FSD1: variants seen among roughly 807,000 people sequenced by gnomAD.
FSD1 encodes the protein fibronectin type III and SPRY domain-containing protein 1.
A neutral mutation model predicts 58.2 loss-of-function variants in FSD1; 23 were observed. The observed-to-expected ratio is 0.40, with a 90% CI of 0.28 to 0.56. FSD1 has a LOEUF of 0.56. Ranked by LOEUF, FSD1 falls within the 20% of genes least tolerant of loss-of-function variation. FSD1 has a pLI of 0.54. For missense variants in FSD1, 563 were observed against 670.8 expected, an observed-to-expected ratio of 0.84 and a Z score of 1.78; for synonymous variants, 265 against 263.4, an observed-to-expected ratio of 1.01 and a Z score of -0.06.
At chr19:4,317,309 C>T (rs1971765832) in intron 8 of FSD1, 29 bp downstream of exon 8, 1 of 1,293,024 alleles carries the variant, frequency 7.7e-7, no homozygotes, top group African/African-American at 1.5e-5. Flanking sequence ...TGTCCTACCC[C>T]TAACTCCATG....
At chr19:4,314,764 C>T (rs987543972) in intron 7 of FSD1, among the ~76,000 whole-genome samples, 25 of 152,348 alleles carry the variant, frequency 1.6e-4, no homozygotes, top group African/African-American at 5.5e-4. Flanking sequence ...GGATGACAGG[C>T]GTGAGCCACC....
chr19:4,315,473 T>A (rs1971744428), intron 7 of FSD1, among the ~76,000 whole-genome samples: 1 of 151,574 alleles, frequency 6.6e-6, no homozygotes, highest in Non-Finnish European at 1.5e-5. Context: ...CACGCCTGGC[T>A]AATTTTTTGT....
At chr19:4,310,694 G>T in intron 6 of FSD1, 98 bp downstream of exon 6, 1 of 1,389,820 alleles carries the variant, frequency 7.2e-7, no homozygotes, top group Non-Finnish European at 9.8e-7. Context: ...GGACGACCCG[G>T]TGTCTGAATT....
chr19:4,310,169 G>T (rs762723304), intron 4 of FSD1, 104 bp from the exon 5 acceptor site: 6 of 1,294,528 alleles, frequency 4.6e-6, no homozygotes, highest in Non-Finnish European at 4.5e-6. Context: ...AGGTTGCAGT[G>T]AGCCGAGATC....
At chr19:4,310,627 C>G (rs1971678935) in intron 6 of FSD1, 31 bp downstream of exon 6, 2 of 1,601,264 alleles carry the variant, frequency 1.2e-6, no homozygotes, top group African/African-American at 1.3e-5. Flanking sequence ...AGGGCCAGGA[C>G]TTCCGGGGAA....
intron 7 of FSD1, among the ~76,000 whole-genome samples, chr19:4,314,632 G>A (rs750587333): frequency 4.0e-5 from 6 of 151,890 alleles, no homozygotes; most frequent in African/African-American, 1.5e-4. Context: ...GATTACAGGC[G>A]CCCACCACCA....
intron 8 of FSD1, 46 bp from the exon 9 acceptor site, chr19:4,318,300 T>C (rs772604012): frequency 6.2e-7 from 1 of 1,613,026 alleles, no homozygotes; most frequent in Admixed American, 1.7e-5. Flanking sequence ...TCTGTGTCTC[T>C]CCGGGTTTCC....
chr19:4,323,696 C>A lies in FSD1; in HGVS notation c.*53C>A. On this transcript the variant is annotated 3_prime_UTR_variant, in exon 13 of 13. Coordinates refer to ENST00000221856, the MANE Select transcript of FSD1 (RefSeq NM_024333.3). This position sits in a 1 kb window ranked among gnomAD's most constrained non-coding sequence, Gnocchi z 7.7. ...GTTTTTGGGGGAGTCGCCGCCAAGC[C>A]CAGGCTGCTGGAGCCAGGCACCCTC... 1 of 1,299,910 alleles carries A rather than the reference C, an allele frequency of 7.7e-7. No homozygotes were observed. The highest frequency in any genetic ancestry group is 1.1e-6 in the Non-Finnish European group (1 of 922,240). 80.5% of individuals were successfully genotyped at this position (1,299,910 alleles called of 1,614,324 possible). A position where few individuals can be genotyped will look rare whatever the true frequency, so the allele number is the denominator to read the frequency against.
In FSD1 at chr19:4,318,907, G is replaced by A. The variant is rs749364630; in HGVS notation, c.995G>A (p.Arg332His). Residue 332 changes from arginine to histidine, a missense_variant, in exon 10 of 13, where the codon CGT becomes CAT. Coordinates refer to ENST00000221856, the MANE Select transcript of FSD1 (RefSeq NM_024333.3). Reference protein sequence around the residue: ...TPSPKRMPSGRGGRDRFTAES... With the variant: ...TPSPKRMPSGHGGRDRFTAES... ...TCTCCCAAGAGGATGCCCTCAGGTC[G>A]TGGGGGACGGGACCGCTTCACCGCT... is the stretch of plus-strand genomic sequence containing the variant. The A allele has an allele frequency of 5.6e-6, 9 of 1,613,608 alleles. No individual in the cohort carries two copies. Among genetic ancestry groups the A allele is most frequent in the South Asian group, 4.4e-5 (4 of 91,094 alleles).
intron 7 of FSD1, among the ~76,000 whole-genome samples, chr19:4,314,983 G>C (rs1971737480): frequency 6.6e-6 from 1 of 152,226 alleles, no homozygotes; most frequent in Non-Finnish European, 1.5e-5. Context: ...AGGGCAGAAA[G>C]TTGGATTCAT....
At chr19:4,309,100 T>G (rs576550793) in intron 4 of FSD1, among the ~76,000 whole-genome samples, 69 of 151,936 alleles carry the variant, frequency 4.5e-4, no homozygotes, top group South Asian at 3.8e-3. Flanking sequence ...ATAAAATAAT[T>G]AGCTGGGTGT....
intron 9 of FSD1, 40 bp from the exon 10 acceptor site, chr19:4,318,832 A>T: frequency 3.3e-6 from 5 of 1,527,820 alleles, no homozygotes; most frequent in Non-Finnish European, 4.5e-6. Flanking sequence ...GAAGTGTTGA[A>T]CTGAGCCTCC....
rs947292396 is a variant in FSD1, at chr19:4,304,778, C to T, written c.15+17C>T. 6 of 282,514 alleles carry T rather than the reference C, an allele frequency of 2.1e-5. No homozygotes were observed. Among genetic ancestry groups the T allele is most frequent in the African/African-American group, 3.2e-5 (1 of 31,432 alleles). The allele number at this position is 282,514 out of a possible 1,614,324, so 17.5% of individuals were successfully genotyped here. ...GAACAGAGGGTAGGACGGGGTGGGG[C>T]AGGGCGGGCCCGCAGGGGCGTCGGG... is the stretch of plus-strand genomic sequence containing the variant. On this transcript the variant is annotated intron_variant, in intron 1 of 12. Transcript: ENST00000221856.
At position 4,323,499 on chromosome 19, in the gene FSD1, T is replaced by TGCGGGGG; in HGVS notation, c.1381-33_1381-32insCGGGGGG. 1 of 1,577,828 alleles carries TGCGGGGG rather than the reference T, an allele frequency of 6.3e-7. No individual in the cohort carries two copies. The highest frequency in any genetic ancestry group is 8.7e-7 in the Non-Finnish European group (1 of 1,148,732). On this transcript the variant is annotated intron_variant, in intron 12 of 12. Transcript: ENST00000221856. The surrounding 1 kb of genome is among the most constrained non-coding windows in gnomAD (Gnocchi z 7.7). ...GGTGCTGGGCGCTGGGGTTTGAAGC[T>TGCGGGGG]GAGCCCCTCCCCCCTCCCCCCGCTG...
At chr19:4,307,372 G>C (rs1372145214) in intron 3 of FSD1, among the ~76,000 whole-genome samples, 1 of 150,906 alleles carries the variant, frequency 6.6e-6, no homozygotes, top group Non-Finnish European at 1.5e-5. Flanking sequence ...AGTTTTTTTT[G>C]TTTTGTTTTG....
chr19:4,317,261 G>T lies in FSD1; in HGVS notation c.780G>T (p.Pro260=), dbSNP rs143112180. The change falls in exon 8 of 13, where the codon CCG becomes CCT. Residue 260 remains proline, a synonymous_variant. Transcript: ENST00000221856. ...CAGTTGCAGGAGAGTTCTCTGAGCC[G>T]GTGACTCTGGAGACACCAGGTGACT... is the stretch of plus-strand genomic sequence containing the variant. ...NKAVAGEFSE[P]VTLETPAFMF... is the part of the protein sequence containing the mutation. The T allele has an allele frequency of 1.2e-6, 2 of 1,607,582 alleles. No homozygotes were observed. Among genetic ancestry groups the T allele is most frequent in the Non-Finnish European group, 1.7e-6 (2 of 1,174,356 alleles).
chr19:4,317,110 G>C, intron 7 of FSD1, 72 bp from the exon 8 acceptor site: 1 of 876,132 alleles, frequency 1.1e-6, no homozygotes, highest in East Asian at 2.5e-5. Context: ...TGTGGGACAT[G>C]ACAGCTTTAA....
At chr19:4,314,742 C>A (rs1171806211) in intron 7 of FSD1, among the ~76,000 whole-genome samples, 2 of 152,224 alleles carry the variant, frequency 1.3e-5, no homozygotes, top group Non-Finnish European at 2.9e-5. Context: ...CTGCCTCGGC[C>A]TCCCAGTGCT....
At position 4,311,993 on chromosome 19, in the gene FSD1, G is replaced by A; in HGVS notation, c.642G>A (p.Lys214=). The A allele has an allele frequency of 6.2e-7, 1 of 1,613,452 alleles. No homozygotes were observed. The highest frequency in any genetic ancestry group is 8.5e-7 in the Non-Finnish European group (1 of 1,180,028). ...RTNFEGPPRL[K]EDQPWMVIEG... ...ACTTCGAGGGCCCGCCCCGCCTCAA[G>A]GAGGACCAGCCCTGGATGGTCATCG... is the stretch of plus-strand genomic sequence containing the variant. The change falls in exon 7 of 13, where the codon AAG becomes AAA. Residue 214 remains lysine (K), a synonymous_variant. Transcript: ENST00000221856.
Sources: gnomAD v4.1 joint callset for allele counts (sites outside exome capture counted in the v4.1 genomes callset) on GRCh38, gnomAD v4.1.1 for gene constraint, Gnocchi (gnomAD v3.1) non-coding constraint, MANE v1.5 for transcripts, NCBI Gene and HGNC (gene_info 2026-07-23, HGNC 2026-07-21) for gene names.